The following GATAD1 variants were observed in gnomAD, a reference collection of about 807,000 sequenced individuals.
GATAD1 encodes GATA zinc finger domain-containing protein 1.
GATAD1 carries 12 observed loss-of-function variants against 26.5 expected under a neutral mutation model. The observed-to-expected ratio is 0.45, with a 90% confidence interval of 0.29 to 0.73. The LOEUF (loss-of-function observed/expected upper bound fraction) is 0.73. Ranked by LOEUF, GATAD1 falls within the 30% of genes least tolerant of loss-of-function variation. The pLI, the probability that GATAD1 is intolerant of heterozygous loss-of-function variation, is 0.10. For missense variants in GATAD1, 266 were observed against 342.1 expected (o/e 0.78, Z 1.75); for synonymous variants, 129 against 133.1 (o/e 0.97, Z 0.21).
chr7:92,466,836 G>A, the GATAD1 span, among the ~76,000 whole-genome samples: 1 of 152,040 alleles, frequency 6.6e-6, no homozygotes, highest in Non-Finnish European at 1.5e-5. Context: ...GGGGGAGTGT[G>A]GAAACAGGAG....
downstream of GATAD1, among the ~76,000 whole-genome samples, chr7:92,464,844 C>T (rs1252437388): frequency 6.6e-6 from 1 of 152,210 alleles, no homozygotes; most frequent in Non-Finnish European, 1.5e-5. Context: ...AGTGTCCCAG[C>T]ATGTTGATGC....
the GATAD1 span, among the ~76,000 whole-genome samples, chr7:92,488,565 A>G: frequency 1.3e-5 from 2 of 152,194 alleles, no homozygotes; most frequent in African/African-American, 4.8e-5. Context: ...GTGGTCCACA[A>G]ATGAATAAAT....
the GATAD1 span, among the ~76,000 whole-genome samples, chr7:92,484,718 C>T: frequency 3.9e-3 from 591 of 152,288 alleles, 2 homozygotes; most frequent in Non-Finnish European, 7.0e-3. Flanking sequence ...AATTGGTGAG[C>T]TGTTCCTTGG....
chr7:92,482,010 G>T, the GATAD1 span, among the ~76,000 whole-genome samples: 1 of 152,160 alleles, frequency 6.6e-6, no homozygotes, highest in South Asian at 2.1e-4. Context: ...GGAGCAGGAG[G>T]GTGTCTTGTT....
intron 2 of GATAD1, chr7:92,449,186 G>C: frequency 9.6e-7 from 1 of 1,039,740 alleles, no homozygotes; most frequent in Non-Finnish European, 1.2e-6. Flanking sequence ...AAAGGAAGAG[G>C]AGAGATTATG....
the GATAD1 span, among the ~76,000 whole-genome samples, chr7:92,465,895 G>A: frequency 4.0e-5 from 6 of 151,646 alleles, no homozygotes; most frequent in African/African-American, 1.5e-4. Flanking sequence ...CAGTTACTCA[G>A]GAGGCTGAGG....
chr7:92,468,886 C>T, the GATAD1 span: 30 of 764,140 alleles, frequency 3.9e-5, no homozygotes, highest in Middle Eastern at 3.5e-4. Flanking sequence ...CAGGGGTCTG[C>T]GGTAGATCTT....
the GATAD1 span, chr7:92,490,022 G>A: frequency 1.2e-6 from 1 of 856,568 alleles, no homozygotes. Context: ...CATTAACATA[G>A]ATAAGTATAC....
chr7:92,494,707 GTATT>G, the GATAD1 span: 9 of 1,103,054 alleles, frequency 8.2e-6, no homozygotes, highest in South Asian at 1.4e-5. Context: ...ATATATGAAT[GTATT>G]TATTTTATGT....
At chr7:92,468,168 G>A in the GATAD1 span, among the ~76,000 whole-genome samples, 2 of 152,226 alleles carry the variant, frequency 1.3e-5, no homozygotes, top group South Asian at 2.1e-4. Flanking sequence ...CAATTAGGAT[G>A]AACCCAGGCA....
rs1789691708 is a variant in GATAD1 at position 92,456,757 on chromosome 7, T to A, written c.*195T>A. On this transcript the variant is annotated 3_prime_UTR_variant, in exon 5 of 5. Transcript: ENST00000287957. ...TGTCATAGGTATCTTTAAATGAAAT[T>A]CTTAGCTGGAAAAGTGACTAAAAAG... is the stretch of plus-strand genomic sequence containing the variant. 1 of 459,428 alleles carries A rather than the reference T, an allele frequency of 2.2e-6. No individual in the cohort carries two copies. Among genetic ancestry groups the A allele is most frequent in the Admixed American group, 4.0e-5 (1 of 25,204 alleles). The allele number at this position is 459,428 out of a possible 1,614,324, so 28.5% of individuals were successfully genotyped here. A position where few individuals can be genotyped will look rare whatever the true frequency, so the allele number is the denominator to read the frequency against.
At chr7:92,468,883 C>T in the GATAD1 span, 1 of 764,280 alleles carries the variant, frequency 1.3e-6, no homozygotes, top group Admixed American at 1.7e-5. Context: ...GTCCAGGGGT[C>T]TGCGGTAGAT....
chr7:92,454,791 G>A, intron 4 of GATAD1, 106 bp downstream of exon 4: 1 of 733,946 alleles, frequency 1.4e-6, no homozygotes, highest in South Asian at 2.1e-5. Context: ...AAATATCACA[G>A]ACTGAGTGGC....
the GATAD1 span, chr7:92,487,393 C>A: frequency 1.2e-6 from 1 of 832,534 alleles, no homozygotes; most frequent in Non-Finnish European, 2.0e-6. Flanking sequence ...CATTTTTTTC[C>A]TGTTACAACA....
the GATAD1 span, among the ~76,000 whole-genome samples, chr7:92,481,057 G>A: frequency 7.2e-5 from 11 of 152,172 alleles, no homozygotes; most frequent in Non-Finnish European, 1.2e-4. Flanking sequence ...AGGTAGTGGA[G>A]GGGGGCAGAG....
chr7:92,449,548 A>G, intron 2 of GATAD1: 1 of 972,604 alleles, frequency 1.0e-6, no homozygotes, highest in Non-Finnish European at 1.2e-6. Flanking sequence ...TCTCAGTATG[A>G]TATTCTTTTC....
intron 3 of GATAD1, among the ~76,000 whole-genome samples, chr7:92,451,838 T>C (rs895322101): frequency 1.3e-5 from 2 of 152,254 alleles, no homozygotes; most frequent in African/African-American, 2.4e-5. Context: ...GATGAGAACA[T>C]TGAGGCACAG....
the GATAD1 span, chr7:92,493,163 A>T: frequency 8.5e-7 from 1 of 1,180,156 alleles, no homozygotes; most frequent in Non-Finnish European, 1.2e-6. Context: ...ACAAATAAAA[A>T]ATAAAATTAA....
downstream of GATAD1, among the ~76,000 whole-genome samples, chr7:92,462,093 A>G (rs1273036433): frequency 6.6e-6 from 1 of 152,240 alleles, no homozygotes; most frequent in African/African-American, 2.4e-5. Flanking sequence ...TTCTTGATCC[A>G]GTAATTTCAT....
Sources: gnomAD v4.1 joint callset for allele counts (sites outside exome capture counted in the v4.1 genomes callset) on GRCh38, gnomAD v4.1.1 for gene constraint, MANE v1.5 for transcripts, NCBI Gene and HGNC (gene_info 2026-07-23, HGNC 2026-07-21) for gene names.